Variants in PPP1R7 observed in about 807,000 individuals in gnomAD.
PPP1R7 encodes protein phosphatase 1 regulatory subunit 22.
PPP1R7 carries 18 observed loss-of-function variants against 45.2 expected under a neutral mutation model. That is an observed-to-expected ratio of 0.40 (90% CI 0.28 to 0.59). The LOEUF is 0.59. PPP1R7 is among the 20% of genes least tolerant of loss of function. PPP1R7 has a pLI of 0.46. For synonymous variants in PPP1R7, 181 were observed against 183.4 expected (o/e 0.99, Z 0.11); for missense variants, 314 against 455.8 (o/e 0.69, Z 2.83).
upstream of PPP1R7, chr2:241,150,308 T>C (rs2072655): frequency 0.014 from 19,303 of 1,335,278 alleles, 1,368 homozygotes; most frequent in East Asian, 0.23. Flanking sequence ...TTACCTGCTC[T>C]GGGGGAGGCG....
At position 241,167,061 on chromosome 2, in the gene PPP1R7, C is replaced by T. The variant is rs772888485; in HGVS notation, c.819+620C>T. 3.6e-5 allele frequency: 58 copies of T among 1,612,230 alleles called. 1 individual carries two copies. The highest frequency in any genetic ancestry group is 6.7e-5 in the Admixed American group (4 of 59,990). Reference sequence around the variant, plus strand: ...CTCACTCAGGTGCAGGACAGCCTCACGTACTGAGGGGAAGTGTGCTCACAG... The same window carrying T: ...CTCACTCAGGTGCAGGACAGCCTCATGTACTGAGGGGAAGTGTGCTCACAG... On this transcript the variant is annotated intron_variant, in intron 8 of 9. Transcript: ENST00000234038.
At chr2:241,152,760 AT>A (rs1430902431) in intron 1 of PPP1R7, among the ~76,000 whole-genome samples, 2 of 152,378 alleles carry the variant, frequency 1.3e-5, no homozygotes, top group East Asian at 1.9e-4. Context: ...GAGTAAAGTT[AT>A]AAAAAAGAAA....
intron 6 of PPP1R7, among the ~76,000 whole-genome samples, chr2:241,162,752 G>A (rs142944418): frequency 0.017 from 2,588 of 149,310 alleles, 74 homozygotes; most frequent in African/African-American, 0.06. Flanking sequence ...GCACAATCTC[G>A]GCTCACTGCA....
chr2:241,155,032 T>A (rs1424735370), intron 2 of PPP1R7: 1 of 152,218 alleles, frequency 6.6e-6, no homozygotes, highest in African/African-American at 2.4e-5. Flanking sequence ...TTGAGGCTGA[T>A]GTTCTGGAAG....
intron 5 of PPP1R7, 44 bp downstream of exon 5, chr2:241,159,387 A>G (rs746840574): frequency 4.2e-5 from 68 of 1,603,286 alleles, no homozygotes; most frequent in Non-Finnish European, 5.7e-5. Flanking sequence ...TGGGAAGGCC[A>G]CTGGGTGGGG....
chr2:241,163,424 C>CT, intron 7 of PPP1R7, 23 bp downstream of exon 7: 1 of 1,543,120 alleles, frequency 6.5e-7, no homozygotes, highest in Non-Finnish European at 9.0e-7. Context: ...CTGAGCCGCC[C>CT]TTCCCTGCGA....
At chr2:241,176,985 C>T (rs922495681) in intron 9 of PPP1R7, among the ~76,000 whole-genome samples, 5 of 152,306 alleles carry the variant, frequency 3.3e-5, no homozygotes, top group African/African-American at 1.2e-4. Flanking sequence ...CATCCCAGCA[C>T]TTTGGGAGGC....
intron 2 of PPP1R7, among the ~76,000 whole-genome samples, chr2:241,157,117 G>A (rs1019034162): frequency 1.3e-5 from 2 of 152,320 alleles, no homozygotes; most frequent in Middle Eastern, 3.4e-3. Context: ...AGAGGATGCC[G>A]GCTCCGGGGT....
intron 5 of PPP1R7, 147 bp downstream of exon 5, chr2:241,159,490 G>A (rs539738638): frequency 9.5e-7 from 1 of 1,048,292 alleles, no homozygotes. Flanking sequence ...TGAATCCCAA[G>A]TCTCTGCCTC....
At chr2:241,174,301 G>A (rs2067871547) in intron 9 of PPP1R7, among the ~76,000 whole-genome samples, 1 of 152,160 alleles carries the variant, frequency 6.6e-6, no homozygotes, top group Non-Finnish European at 1.5e-5. Flanking sequence ...TGAGCTCTGG[G>A]CATTCTGCAT....
intron 5 of PPP1R7, among the ~76,000 whole-genome samples, chr2:241,159,636 T>TA (rs2067540622): frequency 6.6e-6 from 1 of 152,214 alleles, no homozygotes; most frequent in African/African-American, 2.4e-5. Flanking sequence ...TCAGGGATGA[T>TA]ACTGAGATCG....
intron 7 of PPP1R7, among the ~76,000 whole-genome samples, chr2:241,165,998 G>A (rs956602723): frequency 1.3e-5 from 2 of 151,020 alleles, no homozygotes; most frequent in Non-Finnish European, 3.0e-5. Flanking sequence ...CGCCTCCCGG[G>A]TTCACGCCGT....
chr2:241,153,453 C>T (rs375264601), intron 1 of PPP1R7, 23 bp from the exon 2 acceptor site: 30 of 1,613,620 alleles, frequency 1.9e-5, no homozygotes, highest in Middle Eastern at 3.3e-4. Flanking sequence ...GATGTGAATT[C>T]TCATTGACAT....
At chr2:241,159,451 G>C (rs1444218898) in intron 5 of PPP1R7, 108 bp downstream of exon 5, 4 of 1,398,820 alleles carry the variant, frequency 2.9e-6, no homozygotes, top group South Asian at 1.3e-5. Context: ...TTGAGAGGCT[G>C]CCTCTGCCAC....
At chr2:241,150,385 G>A, upstream of PPP1R7, 4 of 1,338,038 alleles carry the variant, frequency 3.0e-6, no homozygotes, top group Non-Finnish European at 3.8e-6. Flanking sequence ...GCGCGGCGCG[G>A]CTGAAGTCGC....
At chr2:241,155,635 G>A (rs775901260) in intron 2 of PPP1R7, among the ~76,000 whole-genome samples, 3 of 152,226 alleles carry the variant, frequency 2.0e-5, no homozygotes, top group Non-Finnish European at 2.9e-5. Context: ...CATTTTGAGT[G>A]GTGAGCGGCC....
intron 4 of PPP1R7, 168 bp downstream of exon 4, chr2:241,158,717 G>C: frequency 1.5e-6 from 1 of 648,156 alleles, no homozygotes; most frequent in Non-Finnish European, 2.7e-6. Flanking sequence ...GCAGGTGTGA[G>C]ACAGCAGTCG....
At chr2:241,161,537 C>T (rs115559913) in intron 6 of PPP1R7, among the ~76,000 whole-genome samples, 2,703 of 152,332 alleles carry the variant, frequency 0.018, 87 homozygotes, top group African/African-American at 0.061. Flanking sequence ...GGCCTTCCTC[C>T]CTGGACAGCT....
At position 241,166,350 on chromosome 2, in the gene PPP1R7, C is replaced by T. The variant is rs1045072725; in HGVS notation, c.728C>T (p.Thr243Ile). Residue 243 changes from threonine to isoleucine, a missense_variant, in exon 8 of 10, where the codon ACC becomes ATC. Thr to Ile is a moderately conservative substitution (Grantham distance 89). Transcript: ENST00000234038. ...TVLSMQSNRL[T>I]KIEGLQNLVN... Reference sequence around the variant, plus strand: ...TCCCTCTTGCAGAGCAACCGGCTGACCAAGATCGAGGGTCTGCAGAACCTG... The same window carrying T: ...TCCCTCTTGCAGAGCAACCGGCTGATCAAGATCGAGGGTCTGCAGAACCTG... 2 of 1,613,988 alleles carry T rather than the reference C, an allele frequency of 1.2e-6. No homozygotes were observed. Among genetic ancestry groups the T allele is most frequent in the East Asian group, 2.2e-5 (1 of 44,876 alleles).
Sources: allele counts gnomAD v4.1 joint callset (sites outside exome capture counted in the v4.1 genomes callset), GRCh38; gene constraint gnomAD v4.1.1; transcripts MANE v1.5; gene names NCBI Gene and HGNC (gene_info 2026-07-23, HGNC 2026-07-21).